The following PCDH15 variants were observed in gnomAD, a reference collection of about 807,000 sequenced individuals.
The protein encoded by PCDH15 is protocadherin-15.
PCDH15 carries 129 observed loss-of-function variants against 178.5 expected under a neutral mutation model. The observed-to-expected ratio is 0.72, with a 90% CI of 0.63 to 0.84. The LOEUF is 0.84. Among genes scored for constraint, PCDH15 ranks in the 40% least tolerant of loss-of-function variants. The pLI is 0.00. For synonymous variants in PCDH15, 800 were observed against 732.0 expected (o/e 1.09, Z -1.50); for missense variants, 2,230 against 2,099.9 (o/e 1.06, Z -1.21).
At chr10:54,676,327 C>G (rs889487207) in intron 1 of PCDH15, among the ~76,000 whole-genome samples, 1 of 152,000 alleles carries the variant, frequency 6.6e-6, no homozygotes, top group African/African-American at 2.4e-5. Context: ...TTAAACTAAT[C>G]TTTTCTCAAA....
chr10:54,231,581 A>G (rs537512205), intron 9 of PCDH15, among the ~76,000 whole-genome samples: 3 of 152,208 alleles, frequency 2.0e-5, no homozygotes, highest in African/African-American at 4.8e-5. Flanking sequence ...CCAGAATGGT[A>G]GATCCACTGA....
At chr10:55,264,866 G>A (rs1842239706) in intron 1 of PCDH15, among the ~76,000 whole-genome samples, 1 of 152,152 alleles carries the variant, frequency 6.6e-6, no homozygotes. Context: ...AAGACAGATG[G>A]TCTGAGGCCC....
chr10:55,606,510 C>G (rs1374705930), intron 2 of PCDH15, among the ~76,000 whole-genome samples: 1 of 147,482 alleles, frequency 6.8e-6, no homozygotes, highest in Non-Finnish European at 1.5e-5. Flanking sequence ...TACAAGGCTA[C>G]AGTAACCAAA....
chr10:55,347,561 T>G lies in PCDH15; in HGVS notation c.-155-180910A>C, dbSNP rs145371394. On this transcript the variant is annotated intron_variant, in intron 2 of 5. Transcript: ENST00000613346. ...AAAATTAGTGGTTTAGTTCTACACA[T>G]GTACTTCAGCAATAGGAGGCAGTCA... 4.4e-3 allele frequency among the ~76,000 whole-genome samples: 676 copies of G among 152,264 alleles called. 9 individuals are homozygous for G. Among genetic ancestry groups the G allele is most frequent in the African/African-American group, 0.015 (634 of 41,574 alleles).
chr10:54,639,206 T>C (rs575257705), intron 2 of PCDH15, among the ~76,000 whole-genome samples: 1 of 152,290 alleles, frequency 6.6e-6, no homozygotes, highest in African/African-American at 2.4e-5. Context: ...AATCCAAATT[T>C]GTTACATTGT....
At chr10:55,249,076 GTAGA>G (rs1841762305) in intron 1 of PCDH15, among the ~76,000 whole-genome samples, 1 of 152,152 alleles carries the variant, frequency 6.6e-6, no homozygotes, top group African/African-American at 2.4e-5. Context: ...TCATTTGGAA[GTAGA>G]TAGATAAACA....
chr10:55,130,723 G>GTGTA (rs1223381308), intron 2 of PCDH15, among the ~76,000 whole-genome samples: 58 of 150,456 alleles, frequency 3.9e-4, no homozygotes, highest in African/African-American at 1.3e-3. Flanking sequence ...GTGTGTGTGT[G>GTGTA]TGTATATACA....
intron 15 of PCDH15, among the ~76,000 whole-genome samples, chr10:54,096,257 T>G (rs994445289): frequency 6.6e-6 from 1 of 151,810 alleles, no homozygotes; most frequent in African/African-American, 2.4e-5. Flanking sequence ...AACCCTAATT[T>G]CCCAGTATCC....
intron 2 of PCDH15, among the ~76,000 whole-genome samples, chr10:54,655,256 A>AAGAAAGAGAGAG (rs1189030773): frequency 1.0e-4 from 5 of 48,904 alleles, no homozygotes; most frequent in Non-Finnish European, 1.9e-4. Flanking sequence ...GAAAGAAAGA[A>AAGAAAGAGAGAG]AGAGAGAGAG....
intron 1 of PCDH15, among the ~76,000 whole-genome samples, chr10:54,703,248 A>C (rs1156609739): frequency 6.6e-6 from 1 of 152,254 alleles, no homozygotes; most frequent in East Asian, 1.9e-4. Context: ...AGAGCCGTCT[A>C]TGACAAACCC....
At chr10:53,889,021 G>C (rs1203876856) in intron 26 of PCDH15, among the ~76,000 whole-genome samples, 3 of 148,996 alleles carry the variant, frequency 2.0e-5, no homozygotes, top group South Asian at 2.1e-4. Context: ...TATCCACATG[G>C]GAAATAAAAA....
chr10:53,964,268 T>A (rs549030961), intron 21 of PCDH15, among the ~76,000 whole-genome samples: 1 of 151,896 alleles, frequency 6.6e-6, no homozygotes, highest in Non-Finnish European at 1.5e-5. Flanking sequence ...CACATAAGAA[T>A]ACAAGCTTTA....
chr10:55,615,324 TA>T (rs1843451909), intron 2 of PCDH15, among the ~76,000 whole-genome samples: 1 of 152,044 alleles, frequency 6.6e-6, no homozygotes, highest in African/African-American at 2.4e-5. Context: ...TAGTAAACAA[TA>T]AAAATCACTT....
intron 2 of PCDH15, among the ~76,000 whole-genome samples, chr10:54,642,266 C>G (rs981912809): frequency 1.3e-5 from 2 of 152,082 alleles, no homozygotes; most frequent in South Asian, 2.1e-4. Context: ...GCTAGCACCT[C>G]GAACTTAGAT....
At chr10:55,305,393 G>A (rs950493450) in intron 1 of PCDH15, among the ~76,000 whole-genome samples, 6 of 152,196 alleles carry the variant, frequency 3.9e-5, no homozygotes, top group African/African-American at 1.4e-4. Context: ...TATATCCTGG[G>A]CAGACAGGGA....
At chr10:55,370,552 C>T (rs888305030) in intron 2 of PCDH15, among the ~76,000 whole-genome samples, 2 of 151,978 alleles carry the variant, frequency 1.3e-5, no homozygotes, top group South Asian at 2.1e-4. Context: ...ATAAAAGTAC[C>T]CTTTCTTAAT....
intron 2 of PCDH15, among the ~76,000 whole-genome samples, chr10:55,593,668 A>G (rs939781652): frequency 2.6e-5 from 4 of 151,890 alleles, no homozygotes; most frequent in Non-Finnish European, 5.9e-5. Flanking sequence ...GTATTGTGTG[A>G]TGACTTATCT....
At chr10:54,028,879 G>GTA (rs1281126759) in intron 18 of PCDH15, among the ~76,000 whole-genome samples, 1 of 150,482 alleles carries the variant, frequency 6.6e-6, no homozygotes, top group Non-Finnish European at 1.5e-5. Flanking sequence ...CATGGCACAT[G>GTA]TATACATATG....
intron 14 of PCDH15, among the ~76,000 whole-genome samples, chr10:54,148,128 C>T (rs1470219006): frequency 6.6e-6 from 1 of 152,050 alleles, no homozygotes; most frequent in East Asian, 1.9e-4. Context: ...AATAACCTAG[C>T]ACAGATGAAG....
Sources: allele counts gnomAD v4.1 joint callset (sites outside exome capture counted in the v4.1 genomes callset), GRCh38; gene constraint gnomAD v4.1.1; transcripts MANE v1.5; gene names NCBI Gene and HGNC (gene_info 2026-07-23, HGNC 2026-07-21).